The following NTNG1 variants were observed in gnomAD, a reference collection of about 807,000 sequenced individuals.
NTNG1 encodes netrin-G1.
Under a neutral mutation model 54.0 loss-of-function variants are expected in NTNG1, and 16 were observed. The observed-to-expected ratio is 0.30, with a 90% CI of 0.20 to 0.45. The LOEUF (loss-of-function observed/expected upper bound fraction) is 0.45. Ranked by LOEUF, NTNG1 falls within the 20% of genes least tolerant of loss-of-function variation. The probability of loss-of-function intolerance (pLI) is 1.00; values close to 1 mark genes in which losing one functional copy is unlikely to be tolerated. For missense variants in NTNG1, 530 were observed against 678.7 expected (o/e 0.78, Z 2.43); for synonymous variants, 255 against 263.1 (o/e 0.97, Z 0.30).
At chr1:107,298,105 T>C (rs192295818) in intron 2 of NTNG1, among the ~76,000 whole-genome samples, 1 of 152,272 alleles carries the variant, frequency 6.6e-6, no homozygotes, top group Admixed American at 6.5e-5. Context: ...ATAAAACCTA[T>C]AGACTCAACA....
chr1:107,283,194 C>T (rs1364586707), intron 2 of NTNG1, among the ~76,000 whole-genome samples: 1 of 152,112 alleles, frequency 6.6e-6, no homozygotes, highest in East Asian at 1.9e-4. Flanking sequence ...CCAGAGATAA[C>T]CTTCCCTCTG....
chr1:107,220,480 C>G (rs1166976333), intron 2 of NTNG1, among the ~76,000 whole-genome samples: 3 of 152,150 alleles, frequency 2.0e-5, no homozygotes, highest in Admixed American at 2.0e-4. Context: ...ACCTCTTTCA[C>G]CATTTTAAAT....
In NTNG1 at chr1:107,404,608, G is replaced by A. The variant is rs569494112; in HGVS notation, c.1061-3074G>A. On this transcript the variant is annotated intron_variant, in intron 4 of 7. Transcript: ENST00000370068. ...CCAATATACATTGAGCAACTCTTAT[G>A]TCATCAGACATTGTCCCAGGCAGAT... Among the ~76,000 whole-genome samples, 307 of 152,228 alleles carry A rather than the reference G, an allele frequency of 2.0e-3. 1 individual carries two copies. The South Asian group carries it at 0.022, about 11-fold the overall frequency.
chr1:107,414,028 A>G (rs1369260132), intron 5 of NTNG1, among the ~76,000 whole-genome samples: 1 of 152,194 alleles, frequency 6.6e-6, no homozygotes, highest in Non-Finnish European at 1.5e-5. Flanking sequence ...AGTAAATGCC[A>G]TGTGTGATAG....
At chr1:107,317,478 A>G (rs1268035423) in intron 2 of NTNG1, among the ~76,000 whole-genome samples, 6 of 152,170 alleles carry the variant, frequency 3.9e-5, no homozygotes, top group Admixed American at 3.9e-4. Context: ...TGATTCTGTT[A>G]GTATTTATTT....
At chr1:107,397,580 A>G (rs1672758852) in intron 4 of NTNG1, among the ~76,000 whole-genome samples, 2 of 152,180 alleles carry the variant, frequency 1.3e-5, no homozygotes, top group Admixed American at 6.5e-5. Context: ...GGATTTTTAG[A>G]TGGTTGACTA....
chr1:107,304,306 C>T (rs977662880), intron 2 of NTNG1, among the ~76,000 whole-genome samples: 1 of 151,734 alleles, frequency 6.6e-6, no homozygotes, highest in Non-Finnish European at 1.5e-5. Flanking sequence ...TCTTCTAGTA[C>T]ACACATTCAA....
At chr1:107,143,754 C>A (rs1404690245) in intron 1 of NTNG1, among the ~76,000 whole-genome samples, 1 of 152,030 alleles carries the variant, frequency 6.6e-6, no homozygotes, top group African/African-American at 2.4e-5. Flanking sequence ...CTGAACTTCC[C>A]TGCATGAGAA....
chr1:107,394,958 T>A (rs1005328802), intron 3 of NTNG1, among the ~76,000 whole-genome samples, 196 bp from the exon 4 acceptor site: 23 of 152,110 alleles, frequency 1.5e-4, no homozygotes, highest in Non-Finnish European at 1.5e-5. Flanking sequence ...ACAGACTACA[T>A]TGTAACAACC....
chr1:107,260,021 T>A (rs761710588), intron 2 of NTNG1, among the ~76,000 whole-genome samples: 2,874 of 152,232 alleles, frequency 0.019, 98 homozygotes, highest in African/African-American at 0.066. Flanking sequence ...ATTCTCTTCA[T>A]TTGAATGCAA....
chr1:107,378,739 C>T (rs993511696), intron 3 of NTNG1, among the ~76,000 whole-genome samples: 8 of 152,132 alleles, frequency 5.3e-5, no homozygotes, highest in East Asian at 1.9e-4. Flanking sequence ...AGTGTCTTGA[C>T]GGACTTAAAT....
intron 2 of NTNG1, among the ~76,000 whole-genome samples, chr1:107,252,719 A>G (rs1662688196): frequency 6.6e-6 from 1 of 152,200 alleles, no homozygotes; most frequent in Non-Finnish European, 1.5e-5. Flanking sequence ...TGGTATCTGA[A>G]TTCCAAATTC....
intron 2 of NTNG1, among the ~76,000 whole-genome samples, chr1:107,249,869 T>C (rs1662476493): frequency 6.6e-6 from 1 of 152,226 alleles, no homozygotes; most frequent in Non-Finnish European, 1.5e-5. Flanking sequence ...TATTGTATTT[T>C]TCTGCATCAC....
intron 2 of NTNG1, among the ~76,000 whole-genome samples, chr1:107,274,217 G>A (rs1664327956): frequency 6.6e-6 from 1 of 152,202 alleles, no homozygotes; most frequent in South Asian, 2.1e-4. Context: ...TGTTTCCAGG[G>A]CCCATTCTGG....
chr1:107,274,442 T>G (rs565818599), intron 2 of NTNG1, among the ~76,000 whole-genome samples: 13 of 152,326 alleles, frequency 8.5e-5, no homozygotes, highest in Non-Finnish European at 1.2e-4. Context: ...GACCTTTGGT[T>G]AATAATTAGG....
chr1:107,293,085 A>G (rs1311053275), intron 2 of NTNG1, among the ~76,000 whole-genome samples: 1 of 152,134 alleles, frequency 6.6e-6, no homozygotes, highest in Non-Finnish European at 1.5e-5. Flanking sequence ...AACAGCTTTT[A>G]AAATGTGTGT....
intron 7 of NTNG1, among the ~76,000 whole-genome samples, chr1:107,454,340 T>C (rs530526460): frequency 6.6e-6 from 1 of 152,270 alleles, no homozygotes; most frequent in East Asian, 1.9e-4. Flanking sequence ...CATGCATACT[T>C]TGCACAAGCA....
At chr1:107,395,894 G>A (rs1363458603) in intron 4 of NTNG1, among the ~76,000 whole-genome samples, 1 of 152,132 alleles carries the variant, frequency 6.6e-6, no homozygotes, top group Non-Finnish European at 1.5e-5. Flanking sequence ...TTTGGATAAA[G>A]AGCATGACTG....
At chr1:107,367,068 G>A (rs1405950247) in intron 3 of NTNG1, among the ~76,000 whole-genome samples, 1 of 93,784 alleles carries the variant, frequency 1.1e-5, no homozygotes, top group East Asian at 2.0e-4. Flanking sequence ...ATCTGTTCGT[G>A]TGTGTGTGTG....
Sources: gnomAD v4.1 joint callset for allele counts (sites outside exome capture counted in the v4.1 genomes callset) on GRCh38, gnomAD v4.1.1 for gene constraint, MANE v1.5 for transcripts, NCBI Gene and HGNC (gene_info 2026-07-23, HGNC 2026-07-21) for gene names.